CCDC3: variants seen among roughly 807,000 people sequenced by gnomAD.
CCDC3 encodes coiled-coil domain-containing protein 3.
A neutral mutation model predicts 21.4 loss-of-function variants in CCDC3; 24 were observed. That is an observed-to-expected ratio of 1.12 (90% CI 0.81 to 1.58). The LOEUF is 1.58. Ranked by LOEUF, CCDC3 falls within the 40% of genes most tolerant of loss-of-function variation. CCDC3 has a pLI of 0.00. For missense variants in CCDC3, 425 were observed against 360.9 expected (o/e 1.18, Z -1.44); for synonymous variants, 186 against 166.0 (o/e 1.12, Z -0.93).
chr10:13,003,313 A>G (rs2131289810), upstream of CCDC3, among the ~76,000 whole-genome samples: 1 of 152,212 alleles, frequency 6.6e-6, no homozygotes, highest in East Asian at 1.9e-4. Context: ...TCTGAAGTAG[A>G]TATAACTATT....
chr10:12,974,968 T>C (rs561808393), intron 2 of CCDC3, among the ~76,000 whole-genome samples: 1 of 152,192 alleles, frequency 6.6e-6, no homozygotes, highest in East Asian at 1.9e-4. Flanking sequence ...CCCTGCGAGG[T>C]AGGAATTATG....
In CCDC3 at chr10:12,897,059, TAC is replaced by T. The variant is rs781145299; in HGVS notation, c.*1355_*1356del. ...ATCTGACAGTGCCTGCCATTTCCGG[TAC>T]AGAGGACAGCATCACCAGGCCCTGC... On this transcript the variant is annotated 3_prime_UTR_variant, in exon 3 of 3. Coordinates refer to ENST00000378825, the MANE Select transcript of CCDC3 (RefSeq NM_031455.4). 6.7e-6 allele frequency: 1 copy of T among 149,506 alleles called. No homozygotes were observed. Among genetic ancestry groups the T allele is most frequent in the Non-Finnish European group, 1.5e-5 (1 of 67,800 alleles). 9.3% of individuals were successfully genotyped at this position (149,506 alleles called of 1,614,324 possible).
chr10:13,027,742 A>C (rs1257721190), intron 5 of CCDC3, among the ~76,000 whole-genome samples: 1 of 151,770 alleles, frequency 6.6e-6, no homozygotes, highest in Non-Finnish European at 1.5e-5. Context: ...ACAAAAAAAA[A>C]CTACTCAGTA....
At chr10:13,024,297 T>C (rs1209986524) in intron 5 of CCDC3, among the ~76,000 whole-genome samples, 3 of 152,178 alleles carry the variant, frequency 2.0e-5, no homozygotes, top group Non-Finnish European at 4.4e-5. Context: ...CAAACTGTAA[T>C]CTCCATTAGA....
chr10:12,919,385 T>C lies in CCDC3; in HGVS notation c.550-20706A>G, dbSNP rs570156793. 9.9e-5 allele frequency among the ~76,000 whole-genome samples: 15 copies of C among 152,032 alleles called. No homozygotes were observed. The South Asian group carries it at 2.5e-3, about 25-fold the overall frequency. On this transcript the variant is annotated intron_variant, in intron 2 of 2. Transcript: ENST00000378825. ...CCGGCGGATCACTTGAGGTCAAGAG[T>C]TTGCCATCAGCCTGGCCAACATGGT...
intron 5 of CCDC3, among the ~76,000 whole-genome samples, chr10:13,045,421 A>G (rs1193216570): frequency 6.6e-6 from 1 of 152,098 alleles, no homozygotes; most frequent in Non-Finnish European, 1.5e-5. Context: ...CAGGCGGATC[A>G]CAAGGGCACC....
chr10:13,063,099 A>AC (rs113617788), intron 4 of CCDC3, among the ~76,000 whole-genome samples: 102,086 of 146,132 alleles, frequency 0.7, 35,832 homozygotes, highest in Admixed American at 0.76. Flanking sequence ...TCACTGGCTT[A>AC]CCCCCACCCA....
At chr10:13,045,898 G>A (rs949387140) in intron 5 of CCDC3, among the ~76,000 whole-genome samples, 2 of 151,446 alleles carry the variant, frequency 1.3e-5, no homozygotes, top group African/African-American at 4.9e-5. Flanking sequence ...AGACCAGCCA[G>A]GCCAAGTTGG....
chr10:12,906,679 A>T (rs1199271138), intron 2 of CCDC3, among the ~76,000 whole-genome samples: 3 of 152,092 alleles, frequency 2.0e-5, no homozygotes, highest in Non-Finnish European at 4.4e-5. Flanking sequence ...AAGTCAATGA[A>T]CCTGTCTTGG....
intron 2 of CCDC3, among the ~76,000 whole-genome samples, chr10:12,983,169 T>TATAC (rs1835532755): frequency 1.5e-5 from 2 of 133,414 alleles, no homozygotes; most frequent in African/African-American, 5.6e-5. Context: ...TATATATATA[T>TATAC]ATATAAAATC....
chr10:13,079,478 G>A (rs553717838), intron 3 of CCDC3, among the ~76,000 whole-genome samples: 6 of 152,294 alleles, frequency 3.9e-5, no homozygotes, highest in Non-Finnish European at 7.4e-5. Flanking sequence ...GGACTAAAGC[G>A]GGGCCATAAA....
chr10:13,085,741 C>A (rs1415337260), intron 3 of CCDC3, among the ~76,000 whole-genome samples: 1 of 152,074 alleles, frequency 6.6e-6, no homozygotes, highest in African/African-American at 2.4e-5. Flanking sequence ...CCAAGGTGGG[C>A]AGATCACCTG....
chr10:13,067,920 T>TTTTG (rs757809154), intron 4 of CCDC3, among the ~76,000 whole-genome samples: 4 of 152,148 alleles, frequency 2.6e-5, no homozygotes, highest in Non-Finnish European at 4.4e-5. Flanking sequence ...TCTTTACGTT[T>TTTTG]TTTGTTTGTT....
chr10:12,910,570 G>A (rs190854693), intron 2 of CCDC3, among the ~76,000 whole-genome samples: 62 of 137,464 alleles, frequency 4.5e-4, no homozygotes, highest in Non-Finnish European at 7.4e-4. Context: ...TTGCAAACTT[G>A]CAAGTTTCAA....
upstream of CCDC3, among the ~76,000 whole-genome samples, chr10:13,002,530 C>T (rs1249518759): frequency 1.3e-5 from 2 of 152,112 alleles, no homozygotes; most frequent in African/African-American, 4.8e-5. Context: ...GCTGGGAATA[C>T]AAGCACACTG....
At chr10:12,956,084 C>T (rs1481759872) in intron 2 of CCDC3, among the ~76,000 whole-genome samples, 1 of 152,050 alleles carries the variant, frequency 6.6e-6, no homozygotes, top group South Asian at 2.1e-4. Context: ...AGGTGATCCT[C>T]CCTCCCACCT....
chr10:13,017,018 G>A (rs1836073102), intron 5 of CCDC3, among the ~76,000 whole-genome samples: 1 of 152,006 alleles, frequency 6.6e-6, no homozygotes, highest in South Asian at 2.1e-4. Context: ...ATTTCCAAAA[G>A]GAATGAGCTA....
chr10:13,093,214 C>T (rs933595533), intron 3 of CCDC3, among the ~76,000 whole-genome samples: 1 of 151,998 alleles, frequency 6.6e-6, no homozygotes. Context: ...CTGGGGAGGC[C>T]TCACAATCAT....
At chr10:12,971,472 C>A (rs965729970) in intron 2 of CCDC3, among the ~76,000 whole-genome samples, 21 of 152,280 alleles carry the variant, frequency 1.4e-4, no homozygotes, top group African/African-American at 5.1e-4. Flanking sequence ...CACTCTAGGT[C>A]CTAAATGGCC....
Sources: allele counts gnomAD v4.1 joint callset (sites outside exome capture counted in the v4.1 genomes callset), GRCh38; gene constraint gnomAD v4.1.1; transcripts MANE v1.5; gene names NCBI Gene and HGNC (gene_info 2026-07-23, HGNC 2026-07-21).